Variants in KHDRBS2 observed in about 807,000 individuals in gnomAD.
KHDRBS2 encodes the protein KH RNA binding domain containing, signal transduction associated 2.
KHDRBS2 carries 26 observed loss-of-function variants against 44.3 expected under a neutral mutation model. That is an observed-to-expected ratio of 0.59 (90% confidence interval 0.43 to 0.81). The LOEUF is 0.81. KHDRBS2 is among the 40% of genes least tolerant of loss of function. KHDRBS2 has a pLI of 0.00. For synonymous variants in KHDRBS2, 194 were observed against 151.1 expected (o/e 1.28, Z -2.08); for missense variants, 476 against 433.1 (o/e 1.10, Z -0.88).
intron 1 of KHDRBS2, among the ~76,000 whole-genome samples, chr6:62,193,940 T>C (rs1276700884): frequency 6.6e-6 from 1 of 152,158 alleles, no homozygotes; most frequent in Non-Finnish European, 1.5e-5. Flanking sequence ...ATTTTATTAC[T>C]GAGTCATAAA....
the KHDRBS2 span, among the ~76,000 whole-genome samples, chr6:61,641,284 GCTTTCA>G: frequency 6.6e-6 from 1 of 152,088 alleles, no homozygotes; most frequent in Non-Finnish European, 1.5e-5. Context: ...ATATTCAAAA[GCTTTCA>G]CTGGCTCACC....
At chr6:62,115,343 T>C (rs1268102522) in intron 2 of KHDRBS2, among the ~76,000 whole-genome samples, 1 of 152,166 alleles carries the variant, frequency 6.6e-6, no homozygotes, top group Non-Finnish European at 1.5e-5. Flanking sequence ...GGCTGACTAC[T>C]TTGATATCAG....
intron 2 of KHDRBS2, among the ~76,000 whole-genome samples, chr6:62,119,936 C>A (rs1807200994): frequency 6.6e-6 from 1 of 151,834 alleles, no homozygotes; most frequent in African/African-American, 2.4e-5. Flanking sequence ...CAGAGTGTGA[C>A]CCACAAGGCA....
chr6:61,858,450 C>A (rs1438090240), intron 6 of KHDRBS2, among the ~76,000 whole-genome samples: 1 of 151,730 alleles, frequency 6.6e-6, no homozygotes, highest in Non-Finnish European at 1.5e-5. Flanking sequence ...CCATTAACAT[C>A]TCCCCCATAA....
chr6:62,098,168 A>C (rs1296597243), intron 2 of KHDRBS2, among the ~76,000 whole-genome samples: 2 of 151,934 alleles, frequency 1.3e-5, no homozygotes, highest in Middle Eastern at 3.4e-3. Context: ...TAGTTTACAC[A>C]CAATGTCTAT....
In KHDRBS2 at chr6:61,681,547, G is replaced by A. The variant is rs569133966; in HGVS notation, c.953-487C>T. Among the ~76,000 whole-genome samples the A allele has an allele frequency of 4.6e-5, 7 of 151,964 alleles. No homozygotes were observed. In the East Asian group the frequency reaches 1.4e-3, roughly 30 times the overall value. ...CCAGATGATAGTTATATGGTCCAGGGTTGAGATCCATTGTGTTAAATTGTA... is the reference window on the plus strand; with the variant it reads ...CCAGATGATAGTTATATGGTCCAGGATTGAGATCCATTGTGTTAAATTGTA... On this transcript the variant is annotated intron_variant, in intron 8 of 8. Transcript: ENST00000281156.
At chr6:61,608,316 G>GTA in the KHDRBS2 span, among the ~76,000 whole-genome samples, 50 of 78,556 alleles carry the variant, frequency 6.4e-4, no homozygotes, top group South Asian at 2.3e-3. Flanking sequence ...ATATATATGT[G>GTA]TGTATATATA....
chr6:61,559,826 C>A, the KHDRBS2 span, among the ~76,000 whole-genome samples: 1 of 152,150 alleles, frequency 6.6e-6, no homozygotes. Context: ...AGTCTTTCTG[C>A]ATAACATATG....
intron 6 of KHDRBS2, among the ~76,000 whole-genome samples, chr6:61,756,242 A>G (rs1049058928): frequency 1.3e-5 from 2 of 151,880 alleles, no homozygotes; most frequent in African/African-American, 4.8e-5. Flanking sequence ...AAAGTTCATT[A>G]TTAATTTTAT....
intron 2 of KHDRBS2, among the ~76,000 whole-genome samples, chr6:62,149,341 C>T (rs968856517): frequency 2.0e-5 from 3 of 152,066 alleles, no homozygotes; most frequent in Non-Finnish European, 4.4e-5. Context: ...TTTCTTTCCT[C>T]CTTTATGTGT....
chr6:61,973,083 G>C (rs968823583), intron 4 of KHDRBS2, among the ~76,000 whole-genome samples: 4 of 152,100 alleles, frequency 2.6e-5, no homozygotes, highest in Non-Finnish European at 5.9e-5. Context: ...GCAGTGAGCT[G>C]AGATCACACC....
At chr6:62,114,591 G>A (rs1805772982) in intron 2 of KHDRBS2, among the ~76,000 whole-genome samples, 1 of 152,014 alleles carries the variant, frequency 6.6e-6, no homozygotes, top group African/African-American at 2.4e-5. Flanking sequence ...CTAAGTGATG[G>A]GAGGCAGAAA....
At chr6:62,265,282 A>G (rs1281185982) in intron 1 of KHDRBS2, among the ~76,000 whole-genome samples, 4 of 152,000 alleles carry the variant, frequency 2.6e-5, no homozygotes, top group Non-Finnish European at 5.9e-5. Flanking sequence ...TAGACCACTG[A>G]AAAGACTGTC....
At chr6:62,062,411 A>T (rs1344034823) in intron 2 of KHDRBS2, among the ~76,000 whole-genome samples, 1 of 149,058 alleles carries the variant, frequency 6.7e-6, no homozygotes, top group East Asian at 2.0e-4. Context: ...AAAAGAACAG[A>T]AATTATAACA....
At chr6:61,629,805 T>G in the KHDRBS2 span, among the ~76,000 whole-genome samples, 4 of 152,216 alleles carry the variant, frequency 2.6e-5, no homozygotes, top group East Asian at 1.9e-4. Context: ...ATGAAGTGAA[T>G]AGTGAAAATT....
At chr6:61,807,644 C>A (rs1787379232) in intron 6 of KHDRBS2, among the ~76,000 whole-genome samples, 1 of 151,908 alleles carries the variant, frequency 6.6e-6, no homozygotes, top group African/African-American at 2.4e-5. Context: ...AGGAGGGGAA[C>A]AACAGACACT....
At chr6:61,929,453 C>T (rs1158671623) in intron 4 of KHDRBS2, among the ~76,000 whole-genome samples, 2 of 152,076 alleles carry the variant, frequency 1.3e-5, no homozygotes, top group African/African-American at 2.4e-5. Flanking sequence ...ACTTAGTCAT[C>T]GTAATAGCAA....
At chr6:62,063,213 G>C (rs1217189942) in intron 2 of KHDRBS2, among the ~76,000 whole-genome samples, 1 of 131,758 alleles carries the variant, frequency 7.6e-6, no homozygotes, top group Admixed American at 7.8e-5. Flanking sequence ...CGGAGGAACT[G>C]GTACCATTCC....
intron 6 of KHDRBS2, among the ~76,000 whole-genome samples, chr6:61,893,674 TCA>T (rs1456516904): frequency 1.3e-5 from 2 of 152,080 alleles, no homozygotes; most frequent in Non-Finnish European, 2.9e-5. Flanking sequence ...CCGCATGTTC[TCA>T]CTCATAGGTG....
Sources: gnomAD v4.1 joint callset for allele counts (sites outside exome capture counted in the v4.1 genomes callset) on GRCh38, gnomAD v4.1.1 for gene constraint, MANE v1.5 for transcripts, NCBI Gene and HGNC (gene_info 2026-07-23, HGNC 2026-07-21) for gene names.